TDRD9: variants seen among roughly 807,000 people sequenced by gnomAD.
TDRD9 encodes ATP-dependent RNA helicase TDRD9.
Under a neutral mutation model 172.6 loss-of-function variants are expected in TDRD9, and 124 were observed. The observed-to-expected ratio is 0.72, with a 90% CI of 0.62 to 0.83. The LOEUF (loss-of-function observed/expected upper bound fraction) is 0.83. TDRD9 is among the 40% of genes least tolerant of loss of function. The probability of loss-of-function intolerance (pLI) is 0.00; values close to 1 mark genes in which losing one functional copy is unlikely to be tolerated. For missense variants in TDRD9, 1,479 were observed against 1,714.1 expected (o/e 0.86, Z 2.42); for synonymous variants, 619 against 617.1 (o/e 1.00, Z -0.05).
chr14:103,971,343 TGCCCAG>T (rs2033022224), intron 6 of TDRD9, among the ~76,000 whole-genome samples: 1 of 145,620 alleles, frequency 6.9e-6, no homozygotes, highest in Non-Finnish European at 1.5e-5. Context: ...CTCACTCTGT[TGCCCAG>T]GGTGGAGTGC....
intron 1 of TDRD9, among the ~76,000 whole-genome samples, chr14:103,954,092 G>GAGGAAAACATAGTTGAT (rs1317101407): frequency 2.0e-5 from 3 of 152,320 alleles, no homozygotes; most frequent in African/African-American, 7.2e-5. Flanking sequence ...AGACACTGAT[G>GAGGAAAACATAGTTGAT]AGGAAAACAT....
chr14:103,941,106 A>G (rs1186024951), intron 1 of TDRD9: 4 of 1,531,278 alleles, frequency 2.6e-6, no homozygotes, highest in Non-Finnish European at 2.6e-6. Flanking sequence ...CTCGAAATCT[A>G]GAGGGGAAAT....
intron 2 of TDRD9, among the ~76,000 whole-genome samples, chr14:103,957,756 C>A (rs751175378): frequency 1.3e-5 from 2 of 152,132 alleles, no homozygotes; most frequent in Non-Finnish European, 2.9e-5. Context: ...TTGTCACACT[C>A]ACGTACTGGC....
At chr14:103,935,333 A>G (rs58071582) in intron 1 of TDRD9, among the ~76,000 whole-genome samples, 7,704 of 152,224 alleles carry the variant, frequency 0.051, 386 homozygotes, top group Admixed American at 0.14. Context: ...CATTTGGGAC[A>G]TGTTCTTAAG....
At chr14:103,985,541 G>GCGCAGCATGAAGATGGACTAATT in intron 7 of TDRD9, among the ~76,000 whole-genome samples, 1 of 152,272 alleles carries the variant, frequency 6.6e-6, no homozygotes, top group South Asian at 2.1e-4. Context: ...ATGGACTAAT[G>GCGCAGCATGAAGATGGACTAATT]CACAGCCTGA....
At chr14:103,994,291 CA>C in intron 9 of TDRD9, 40 bp from the exon 10 acceptor site, 1 of 1,574,810 alleles carries the variant, frequency 6.3e-7, no homozygotes, top group Non-Finnish European at 8.7e-7. Flanking sequence ...GCAGTAAATA[CA>C]AACATGTTTA....
At chr14:103,931,663 C>G (rs1474453981) in intron 1 of TDRD9, among the ~76,000 whole-genome samples, 1 of 152,138 alleles carries the variant, frequency 6.6e-6, no homozygotes, top group Admixed American at 6.6e-5. Flanking sequence ...GGAAGAATGA[C>G]TCCCCCAAAG....
chr14:104,015,235 ATTATT>A (rs2034752235), intron 21 of TDRD9, among the ~76,000 whole-genome samples: 1 of 152,164 alleles, frequency 6.6e-6, no homozygotes, highest in Non-Finnish European at 1.5e-5. Flanking sequence ...CACTGAAAAT[ATTATT>A]TTAACTTTGG....
chr14:103,971,275 G>A (rs919613091), intron 6 of TDRD9, among the ~76,000 whole-genome samples: 12 of 151,254 alleles, frequency 7.9e-5, no homozygotes, highest in East Asian at 5.8e-4. Flanking sequence ...GAGCCACCGC[G>A]CCTGGCCCAG....
chr14:103,949,812 T>TG (rs2152124031), intron 1 of TDRD9, among the ~76,000 whole-genome samples: 1 of 152,066 alleles, frequency 6.6e-6, no homozygotes, highest in South Asian at 2.1e-4. Context: ...CCCGAGTAGC[T>TG]GGGATTACAG....
intron 6 of TDRD9, among the ~76,000 whole-genome samples, chr14:103,971,272 C>T (rs1034081619): frequency 2.0e-5 from 3 of 151,340 alleles, no homozygotes; most frequent in East Asian, 1.9e-4. Flanking sequence ...TGTGAGCCAC[C>T]GCGCCTGGCC....
intron 5 of TDRD9, among the ~76,000 whole-genome samples, chr14:103,968,794 T>TAAAAAAAAAAAAA (rs1475595274): frequency 2.3e-3 from 5 of 2,160 alleles, no homozygotes; most frequent in Non-Finnish European, 3.6e-3. Flanking sequence ...AGACTCTGTC[T>TAAAAAAAAAAAAA]CAAAAAAAAA....
At chr14:104,027,194 T>A (rs1017150023) in intron 28 of TDRD9, among the ~76,000 whole-genome samples, 8 of 152,282 alleles carry the variant, frequency 5.3e-5, no homozygotes, top group African/African-American at 1.7e-4. Flanking sequence ...AGCTTATTTT[T>A]AAAAATTATT....
chr14:103,934,695 T>C (rs951755934), intron 1 of TDRD9, among the ~76,000 whole-genome samples: 2 of 152,300 alleles, frequency 1.3e-5, no homozygotes, highest in Admixed American at 6.5e-5. Context: ...GGCAGGAGAA[T>C]GGTGTGAACC....
At chr14:104,051,112 G>C (rs1477644113) in intron 35 of TDRD9, among the ~76,000 whole-genome samples, 6 of 152,034 alleles carry the variant, frequency 3.9e-5, no homozygotes, top group Non-Finnish European at 8.8e-5. Context: ...TTCAATCCTT[G>C]CCTCCCTCCC....
intron 1 of TDRD9, among the ~76,000 whole-genome samples, chr14:103,934,654 C>T (rs4906387): frequency 0.34 from 51,548 of 151,994 alleles, 8,935 homozygotes; most frequent in Middle Eastern, 0.37. Context: ...GGTGGGCGGG[C>T]GCCTGTAGTC....
intron 19 of TDRD9, among the ~76,000 whole-genome samples, chr14:104,007,474 A>C (rs111702191): frequency 1.1e-4 from 17 of 152,174 alleles, no homozygotes; most frequent in African/African-American, 3.9e-4. Context: ...CATTGTACTG[A>C]TCTTGCCATG....
chr14:103,979,497 C>T (rs957615107), intron 7 of TDRD9, among the ~76,000 whole-genome samples: 2 of 152,166 alleles, frequency 1.3e-5, no homozygotes, highest in Admixed American at 1.3e-4. Context: ...GTGGGTGTGC[C>T]AGGCTTTTTG....
At chr14:103,932,478 C>G (rs184276116) in intron 1 of TDRD9, among the ~76,000 whole-genome samples, 1 of 152,032 alleles carries the variant, frequency 6.6e-6, no homozygotes, top group East Asian at 1.9e-4. Context: ...AGCTCTGCCT[C>G]CCGGGTTCAC....
Sources: gnomAD v4.1 joint callset for allele counts (sites outside exome capture counted in the v4.1 genomes callset) on GRCh38, gnomAD v4.1.1 for gene constraint, MANE v1.5 for transcripts, NCBI Gene and HGNC (gene_info 2026-07-23, HGNC 2026-07-21) for gene names.